Variants in UBXN7 observed in about 807,000 individuals in gnomAD.
UBXN7 encodes UBX domain protein 7.
Under a neutral mutation model 58.0 loss-of-function variants are expected in UBXN7, and 9 were observed. The ratio of observed to expected loss-of-function variants is 0.16; its 90% CI spans 0.09 to 0.27. The LOEUF is 0.27. Ranked by LOEUF, UBXN7 falls within the 10% of genes least tolerant of loss-of-function variation. UBXN7 has a pLI of 1.00. For synonymous variants in UBXN7, 208 were observed against 205.0 expected (o/e 1.01, Z -0.12); for missense variants, 328 against 599.6 (o/e 0.55, Z 4.73).
intron 6 of UBXN7, among the ~76,000 whole-genome samples, chr3:196,369,950 G>T (rs140063818): frequency 0.011 from 1,646 of 152,070 alleles, 37 homozygotes; most frequent in African/African-American, 0.037. Context: ...GGCCAACATG[G>T]TGAAACCCCG....
intron 3 of UBXN7, 104 bp from the exon 4 acceptor site, chr3:196,393,723 C>T (rs1235510296): frequency 9.0e-7 from 1 of 1,107,280 alleles, no homozygotes; most frequent in African/African-American, 1.6e-5. Context: ...CATATGAAAC[C>T]CTTCACGAAC....
At chr3:196,426,638 C>T (rs575180644) in intron 1 of UBXN7, among the ~76,000 whole-genome samples, 2 of 152,076 alleles carry the variant, frequency 1.3e-5, no homozygotes, top group Admixed American at 1.3e-4. Flanking sequence ...CACCTGAGGT[C>T]GGGAGTTCGA....
At chr3:196,422,971 T>C (rs1005091112) in intron 1 of UBXN7, among the ~76,000 whole-genome samples, 2 of 152,068 alleles carry the variant, frequency 1.3e-5, no homozygotes, top group East Asian at 1.9e-4. Context: ...TCAAACACAA[T>C]AGTTTAAGAG....
intron 1 of UBXN7, among the ~76,000 whole-genome samples, chr3:196,413,019 T>C (rs1730379732): frequency 6.6e-6 from 1 of 152,138 alleles, no homozygotes; most frequent in South Asian, 2.1e-4. Flanking sequence ...TATTAATGTA[T>C]TTAATACCAC....
At chr3:196,357,584 G>A (rs373227685) in intron 10 of UBXN7, among the ~76,000 whole-genome samples, 1 of 152,140 alleles carries the variant, frequency 6.6e-6, no homozygotes, top group Non-Finnish European at 1.5e-5. Context: ...ACCAGCTGGG[G>A]CAACATGGCA....
intron 3 of UBXN7, among the ~76,000 whole-genome samples, chr3:196,396,949 C>T (rs1215026882): frequency 2.6e-5 from 4 of 152,084 alleles, no homozygotes; most frequent in Admixed American, 6.5e-5. Context: ...GACTGATCTC[C>T]GTATACTCAC....
chr3:196,391,749 TAA>T, intron 5 of UBXN7, 62 bp downstream of exon 5: 1 of 1,265,916 alleles, frequency 7.9e-7, no homozygotes, highest in Non-Finnish European at 1.1e-6. Context: ...AGTAATTTTT[TAA>T]AAAAAGGCAT....
intron 5 of UBXN7, among the ~76,000 whole-genome samples, chr3:196,389,805 C>T (rs1337509851): frequency 6.6e-5 from 10 of 152,132 alleles, no homozygotes; most frequent in Admixed American, 5.9e-4. Flanking sequence ...AACACACAAG[C>T]TTACATTGAA....
At chr3:196,381,625 G>A (rs1368723166) in intron 5 of UBXN7, among the ~76,000 whole-genome samples, 1 of 152,238 alleles carries the variant, frequency 6.6e-6, no homozygotes, top group Non-Finnish European at 1.5e-5. Context: ...AACAACGCTG[G>A]ATGGAGAATG....
At chr3:196,362,871 G>T (rs1728542407) in intron 8 of UBXN7, among the ~76,000 whole-genome samples, 184 bp from the exon 9 acceptor site, 1 of 152,060 alleles carries the variant, frequency 6.6e-6, no homozygotes, top group Admixed American at 6.6e-5. Flanking sequence ...ATATATGTGT[G>T]TGTATATACA....
At position 196,356,294 on chromosome 3, in the gene UBXN7, G is replaced by A. The variant is rs770153336; in HGVS notation, c.*391C>T. 1.0e-4 allele frequency: 16 copies of A among 155,292 alleles called. 1 individual carries two copies. The highest frequency in any genetic ancestry group is 1.6e-4 in the Non-Finnish European group (11 of 70,014). 9.6% of individuals were successfully genotyped at this position (155,292 alleles called of 1,614,324 possible). A position where few individuals can be genotyped will look rare whatever the true frequency, so the allele number is the denominator to read the frequency against. ...TCTGAATCTAGCCATTCCTTTGCCC[G>A]AAGAGTCTGGGGAGTAACGTTAACA... On this transcript the variant is annotated 3_prime_UTR_variant, in exon 11 of 11. Coordinates refer to ENST00000296328, the MANE Select transcript of UBXN7 (RefSeq NM_015562.2).
chr3:196,383,607 C>T (rs1344158800), intron 5 of UBXN7, among the ~76,000 whole-genome samples: 1 of 152,184 alleles, frequency 6.6e-6, no homozygotes, highest in African/African-American at 2.4e-5. Flanking sequence ...GTCTCTCAGA[C>T]CACAGTGCAA....
Position 196,348,262 on chromosome 3 carries a change from C to T in UBXN7, c.*8423G>A, listed in dbSNP as rs1341744104. On this transcript the variant is annotated 3_prime_UTR_variant, in exon 11 of 11. Transcript: ENST00000296328. Reference sequence around the variant, plus strand: ...TGAACAAAAAAATTTAGTGGATGGTCCAGCTGCCCCTTGCTCAACAATCCC... The same window carrying T: ...TGAACAAAAAAATTTAGTGGATGGTTCAGCTGCCCCTTGCTCAACAATCCC... The T allele has an allele frequency of 6.6e-6, 1 of 151,930 alleles. No homozygotes were observed. Among genetic ancestry groups the T allele is most frequent in the East Asian group, 1.9e-4 (1 of 5,196 alleles). The allele number at this position is 151,930 out of a possible 1,614,324, so 9.4% of individuals were successfully genotyped here. A position where few individuals can be genotyped will look rare whatever the true frequency, so the allele number is the denominator to read the frequency against.
intron 8 of UBXN7, among the ~76,000 whole-genome samples, chr3:196,364,918 G>C (rs1485339737): frequency 6.6e-6 from 1 of 152,042 alleles, no homozygotes; most frequent in Non-Finnish European, 1.5e-5. Flanking sequence ...AAAGCAAGTA[G>C]AGGTGTCTAT....
chr3:196,432,361 C>T lies in UBXN7; in HGVS notation c.39G>A (p.Leu13=), dbSNP rs752114288. ...AHGGSAASSA[L]KGLIQQFTTI... is the part of the protein sequence containing the mutation. Reference sequence around the variant, plus strand: ...TGGTGAACTGTTGAATTAACCCCTTCAGCGCCGAGGACGCCGCGGAGCCCC... The same window carrying T: ...TGGTGAACTGTTGAATTAACCCCTTTAGCGCCGAGGACGCCGCGGAGCCCC... The change falls in exon 1 of 11, where the codon CTG becomes CTA. Residue 13 remains leucine (L), a synonymous_variant. Transcript: ENST00000296328. 1 of 1,600,676 alleles carries T rather than the reference C, an allele frequency of 6.2e-7. No homozygotes were observed. Among genetic ancestry groups the T allele is most frequent in the South Asian group, 1.1e-5 (1 of 90,822 alleles).
At chr3:196,403,282 C>T (rs537255300) in intron 2 of UBXN7, among the ~76,000 whole-genome samples, 60 of 152,196 alleles carry the variant, frequency 3.9e-4, no homozygotes, top group African/African-American at 1.4e-3. Flanking sequence ...CTCAGCCTCC[C>T]TAGCAGCTGG....
intron 4 of UBXN7, among the ~76,000 whole-genome samples, chr3:196,392,733 G>A (rs567581023): frequency 3.9e-5 from 6 of 151,974 alleles, no homozygotes; most frequent in Non-Finnish European, 5.9e-5. Flanking sequence ...AACCTGAGAG[G>A]TGAAGGTTGC....
At chr3:196,368,696 T>G (rs541660181) in intron 7 of UBXN7, among the ~76,000 whole-genome samples, 2 of 152,292 alleles carry the variant, frequency 1.3e-5, no homozygotes, top group Non-Finnish European at 2.9e-5. Flanking sequence ...GAAGAAGAGA[T>G]TCAGACAAAG....
At chr3:196,408,443 CAT>C (rs1180434964) in intron 1 of UBXN7, among the ~76,000 whole-genome samples, 6 of 152,128 alleles carry the variant, frequency 3.9e-5, no homozygotes, top group African/African-American at 1.2e-4. Flanking sequence ...TGTTCATACA[CAT>C]GTCCAGCATA....
Sources: allele counts gnomAD v4.1 joint callset (sites outside exome capture counted in the v4.1 genomes callset), GRCh38; gene constraint gnomAD v4.1.1; transcripts MANE v1.5; gene names NCBI Gene and HGNC (gene_info 2026-07-23, HGNC 2026-07-21).